Variants in MYLK observed in about 807,000 individuals in gnomAD.
The protein encoded by MYLK is myosin light chain kinase, smooth muscle.
Under a neutral mutation model 203.4 loss-of-function variants are expected in MYLK, and 106 were observed. The observed-to-expected ratio is 0.52, with a 90% CI of 0.45 to 0.61. The LOEUF (loss-of-function observed/expected upper bound fraction) is 0.61, where lower values mean the gene tolerates loss of function less well. Ranked by LOEUF, MYLK falls within the 20% of genes least tolerant of loss-of-function variation. The pLI, the probability that MYLK is intolerant of heterozygous loss-of-function variation, is 0.00. For synonymous variants in MYLK, 867 were observed against 959.5 expected (o/e 0.90, Z 1.78); for missense variants, 2,072 against 2,442.3 (o/e 0.85, Z 3.20).
At chr3:123,857,759 G>A (rs1054226435) in intron 2 of MYLK, among the ~76,000 whole-genome samples, 3 of 151,370 alleles carry the variant, frequency 2.0e-5, no homozygotes, top group African/African-American at 4.9e-5. Flanking sequence ...TAACTAACCT[G>A]CACATTGTAC....
intron 24 of MYLK, 151 bp from the exon 25 acceptor site, chr3:123,649,345 G>A (rs1353323401): frequency 4.1e-6 from 4 of 987,060 alleles, no homozygotes; most frequent in South Asian, 1.4e-5. Flanking sequence ...CCTGGGGCTG[G>A]TCAGTCCATA....
intron 2 of MYLK, among the ~76,000 whole-genome samples, chr3:123,864,532 C>T (rs545605200): frequency 1.3e-5 from 2 of 152,196 alleles, no homozygotes; most frequent in South Asian, 4.2e-4. Context: ...AAAATGTTAA[C>T]TTTAGAATCT....
intron 2 of MYLK, among the ~76,000 whole-genome samples, chr3:123,870,756 A>G (rs2032726694): frequency 6.6e-6 from 1 of 152,198 alleles, no homozygotes. Flanking sequence ...TGTTATCTAC[A>G]GCTCCTTCCG....
intron 3 of MYLK, among the ~76,000 whole-genome samples, chr3:123,830,307 T>G (rs1169926533): frequency 6.6e-6 from 1 of 152,196 alleles, no homozygotes; most frequent in Non-Finnish European, 1.5e-5. Context: ...GAGCCACATA[T>G]GCTGTGTTTT....
intron 2 of MYLK, among the ~76,000 whole-genome samples, chr3:123,834,011 G>A (rs912874607): frequency 7.2e-5 from 11 of 152,054 alleles, no homozygotes; most frequent in Non-Finnish European, 1.0e-4. Context: ...GGAAACATTT[G>A]GCATTTCATT....
At position 123,640,018 on chromosome 3, in the gene MYLK, C is replaced by T. The variant is rs2058776412; in HGVS notation, c.4837+269G>A. ...CTAAGCAGTCTTACTATGTGCAAAG[C>T]ACTCTTCCCATCCCTTTACCTATAT... On this transcript the variant is annotated intron_variant, in intron 28 of 33. Coordinates refer to ENST00000360304, the MANE Select transcript of MYLK (RefSeq NM_053025.4). This position sits in a 1 kb window ranked among gnomAD's most constrained non-coding sequence, Gnocchi z 4.3. 6.6e-6 allele frequency among the ~76,000 whole-genome samples: 1 copy of T among 152,132 alleles called. No homozygotes were observed. The highest frequency in any genetic ancestry group is 1.5e-5 in the Non-Finnish European group (1 of 68,030).
rs2059419484 is a variant in MYLK, at chr3:123,657,324, G to C, written c.4090C>G (p.Gln1364Glu). 1 of 1,614,010 alleles carries C rather than the reference G, an allele frequency of 6.2e-7. No homozygotes were observed. Among genetic ancestry groups the C allele is most frequent in the East Asian group, 2.2e-5 (1 of 44,872 alleles). Residue 1364 changes from glutamine (Q) to glutamate (E), a missense_variant, in exon 24 of 34, where the codon CAG (glutamine) becomes GAG (glutamate). Transcript: ENST00000360304. ...TCCCAGATCTCGATGCTGTAGGACT[G>C]TACAGCACTGCCCCCATCATATGAG... ...GSSYDGGSAV[Q>E]SYSIEIWDSA... is the part of the protein sequence containing the mutation.
At chr3:123,803,225 A>AAG (rs1195440006) in intron 3 of MYLK, among the ~76,000 whole-genome samples, 10 of 152,224 alleles carry the variant, frequency 6.6e-5, no homozygotes, top group African/African-American at 2.4e-4. Flanking sequence ...GAGGGTCAGC[A>AAG]ACGTGCATAA....
intron 4 of MYLK, among the ~76,000 whole-genome samples, chr3:123,780,917 C>G (rs1384934081): frequency 6.6e-6 from 1 of 152,124 alleles, no homozygotes; most frequent in Non-Finnish European, 1.5e-5. Context: ...ATACACAGTA[C>G]AGGAAAGCCC....
chr3:123,663,972 G>T, intron 23 of MYLK, 133 bp downstream of exon 23: 1 of 1,303,990 alleles, frequency 7.7e-7, no homozygotes, highest in Non-Finnish European at 1.1e-6. Context: ...TTCTTTCTGT[G>T]GTGCCTTATA....
At chr3:123,717,550 T>C (rs577712523) in intron 13 of MYLK, among the ~76,000 whole-genome samples, 73 of 152,292 alleles carry the variant, frequency 4.8e-4, no homozygotes, top group African/African-American at 1.6e-3. Context: ...TGGCAGGCTA[T>C]TAATAAATCT....
intron 21 of MYLK, 27 bp from the exon 22 acceptor site, chr3:123,666,373 C>T (rs770208529): frequency 2.5e-5 from 40 of 1,613,932 alleles, no homozygotes; most frequent in Middle Eastern, 1.6e-4. Flanking sequence ...AGAAAGTGAG[C>T]GAGGCAGAAG....
chr3:123,847,985 A>G (rs2030236857), intron 2 of MYLK, among the ~76,000 whole-genome samples: 1 of 152,034 alleles, frequency 6.6e-6, no homozygotes, highest in Admixed American at 6.6e-5. Context: ...TCTACATGCA[A>G]AAAACCATTT....
Position 123,625,459 on chromosome 3 carries a change from C to G in MYLK, c.5238+1359G>C, listed in dbSNP as rs542829155. ...CTCCAGCCTGGGTAATGGAGTGAGA[C>G]TTTGTCTCGAGGAAAAAAAAAAAAA... On this transcript the variant is annotated intron_variant, in intron 31 of 33. Coordinates refer to ENST00000360304, the MANE Select transcript of MYLK (RefSeq NM_053025.4). 2.7e-5 allele frequency: 4 copies of G among 148,064 alleles called. No individual in the cohort carries two copies. The Admixed American group carries it at 2.7e-4, about 10-fold the overall frequency. The allele number at this position is 148,064 out of a possible 1,614,324, so 9.2% of individuals were successfully genotyped here. A position where few individuals can be genotyped will look rare whatever the true frequency, so the allele number is the denominator to read the frequency against.
At position 123,700,431 on chromosome 3, in the gene MYLK, G is replaced by C; in HGVS notation, c.3037C>G (p.Pro1013Ala). The C allele has an allele frequency of 2.5e-6, 4 of 1,611,494 alleles. No individual in the cohort carries two copies. In the South Asian group the frequency reaches 4.4e-5, roughly 18 times the overall value. The change falls in exon 18 of 34, where the codon CCC becomes GCC. Residue 1013 changes from proline (P) to alanine (A), a missense_variant. Transcript: ENST00000360304. ...CCTGAAGGCTGTGCATTGCTCAGGG[G>C]CTTGGAACTCTCCACTGCCTTGGCA... ...LNAKAVESSK[P>A]LSNAQPSGPL...
intron 13 of MYLK, among the ~76,000 whole-genome samples, chr3:123,718,893 G>A (rs1374499654): frequency 1.3e-5 from 2 of 152,154 alleles, no homozygotes; most frequent in African/African-American, 4.8e-5. Flanking sequence ...AACAATGCCT[G>A]GCACTGATCA....
chr3:123,749,860 G>A (rs2063141719), intron 5 of MYLK, among the ~76,000 whole-genome samples: 1 of 152,186 alleles, frequency 6.6e-6, no homozygotes, highest in Non-Finnish European at 1.5e-5. Context: ...GCACAACACT[G>A]CCTCCTAAAC....
intron 3 of MYLK, among the ~76,000 whole-genome samples, chr3:123,801,233 T>C (rs2065184345): frequency 6.6e-6 from 1 of 152,142 alleles, no homozygotes; most frequent in Non-Finnish European, 1.5e-5. Context: ...CTTACAAAAA[T>C]AACTTGGACC....
At chr3:123,632,805 A>ATTT (rs35310974) in intron 29 of MYLK, among the ~76,000 whole-genome samples, 4,639 of 136,994 alleles carry the variant, frequency 0.034, 294 homozygotes, top group African/African-American at 0.12. Context: ...ATGTCTTTTA[A>ATTT]TTTTTTTTTT....
Sources: gnomAD v4.1 joint callset for allele counts (sites outside exome capture counted in the v4.1 genomes callset) on GRCh38, gnomAD v4.1.1 for gene constraint, Gnocchi (gnomAD v3.1) non-coding constraint, MANE v1.5 for transcripts, NCBI Gene and HGNC (gene_info 2026-07-23, HGNC 2026-07-21) for gene names.